The following POLK variants were observed in gnomAD, a reference collection of about 807,000 sequenced individuals.
The protein encoded by POLK is polymerase (DNA directed) kappa.
A neutral mutation model predicts 94.0 loss-of-function variants in POLK; 76 were observed. The ratio of observed to expected loss-of-function variants is 0.81; its 90% confidence interval spans 0.67 to 0.98. The LOEUF (loss-of-function observed/expected upper bound fraction) is 0.98. POLK is among the 50% of genes least tolerant of loss of function. The pLI, the probability that POLK is intolerant of heterozygous loss-of-function variation, is 0.00. For synonymous variants in POLK, 349 were observed against 325.4 expected (o/e 1.07, Z -0.78); for missense variants, 954 against 1,010.1 (o/e 0.94, Z 0.75).
chr5:75,519,734 T>C (rs1288462415), intron 1 of POLK, among the ~76,000 whole-genome samples: 1 of 152,234 alleles, frequency 6.6e-6, no homozygotes, highest in Non-Finnish European at 1.5e-5. Context: ...GAATACCTTT[T>C]TCCAGCCCTT....
chr5:75,512,418 A>G (rs1034693526), intron 1 of POLK: 12 of 152,234 alleles, frequency 7.9e-5, no homozygotes, highest in African/African-American at 2.2e-4. Flanking sequence ...ATGTGAGATG[A>G]TAGCCTGGGA....
At chr5:75,548,715 A>G (rs1160500643) in intron 2 of POLK, among the ~76,000 whole-genome samples, 1 of 151,218 alleles carries the variant, frequency 6.6e-6, no homozygotes, top group Non-Finnish European at 1.5e-5. Flanking sequence ...AGGAGGGGAA[A>G]GTGTGTGTGT....
intron 1 of POLK, among the ~76,000 whole-genome samples, chr5:75,521,992 C>T (rs1197363963): frequency 1.3e-5 from 2 of 152,228 alleles, no homozygotes; most frequent in East Asian, 1.9e-4. Context: ...AACAAGTACT[C>T]TGATTTGGTG....
At chr5:75,596,819 A>G (rs1773113562) in exon 13 of POLK, 1 of 1,610,880 alleles carries the variant, frequency 6.2e-7, no homozygotes, top group Non-Finnish European at 8.5e-7. Flanking sequence ...ACTATAGATA[A>G]CTCATCTAAA....
intron 1 of POLK, among the ~76,000 whole-genome samples, chr5:75,532,651 A>G (rs1769240729): frequency 6.6e-6 from 1 of 152,236 alleles, no homozygotes; most frequent in Non-Finnish European, 1.5e-5. Context: ...AAGTTCTTTG[A>G]GAAATTGCCA....
chr5:75,511,993 G>T (rs1768048218), intron 1 of POLK, 79 bp downstream of exon 1: 3 of 589,620 alleles, frequency 5.1e-6, no homozygotes. Flanking sequence ...ACAGTTGCGT[G>T]ACCAGCCCCT....
At chr5:75,527,278 G>A (rs1768905899) in intron 1 of POLK, among the ~76,000 whole-genome samples, 1 of 151,852 alleles carries the variant, frequency 6.6e-6, no homozygotes, top group African/African-American at 2.4e-5. Flanking sequence ...ACTGTGGGAG[G>A]CCAAGGCAGG....
chr5:75,606,042 G>A (rs1243185711), downstream of POLK, among the ~76,000 whole-genome samples: 1 of 122,278 alleles, frequency 8.2e-6, no homozygotes, highest in Admixed American at 8.8e-5. Context: ...AGAGGGGGAT[G>A]TGTCAGGGTC....
chr5:75,595,337 TG>T (rs1773021795), intron 12 of POLK, among the ~76,000 whole-genome samples: 1 of 149,216 alleles, frequency 6.7e-6, no homozygotes, highest in Non-Finnish European at 1.5e-5. Flanking sequence ...GCAAGCACGA[TG>T]TCCTTCGGTA....
At chr5:75,569,817 C>G (rs1321662611) in intron 4 of POLK, among the ~76,000 whole-genome samples, 2 of 152,136 alleles carry the variant, frequency 1.3e-5, no homozygotes, top group Non-Finnish European at 2.9e-5. Context: ...TCTGTCAGAT[C>G]AGTTGTGGCA....
Position 75,545,036 on chromosome 5 carries a change from C to T in POLK, c.-13-1974C>T, listed in dbSNP as rs1769939055. Among the ~76,000 whole-genome samples the T allele has an allele frequency of 2.6e-5, 4 of 152,304 alleles. No homozygotes were observed. In the South Asian group the frequency reaches 6.2e-4, roughly 24 times the overall value. On this transcript the variant is annotated intron_variant, in intron 1 of 14. Transcript: ENST00000241436. ...CTCCTATCTGGCTTCTACTCCCAGA[C>T]CTTCTGATTTATTTGGTATGGGAGG...
intron 7 of POLK, chr5:75,582,482 A>G (rs759466062): frequency 6.6e-6 from 1 of 152,242 alleles, no homozygotes; most frequent in Non-Finnish European, 1.5e-5. Context: ...TTTTGTGAAT[A>G]ACATAAAAAG....
chr5:75,514,967 A>G (rs775531254), intron 1 of POLK, among the ~76,000 whole-genome samples: 3 of 152,236 alleles, frequency 2.0e-5, no homozygotes, highest in Non-Finnish European at 4.4e-5. Context: ...GGTGTGTTAC[A>G]TAGTTTTTCT....
intron 1 of POLK, among the ~76,000 whole-genome samples, chr5:75,546,440 G>C (rs1470158529): frequency 6.6e-6 from 1 of 152,100 alleles, no homozygotes; most frequent in Admixed American, 6.5e-5. Flanking sequence ...GATCCTCTCA[G>C]TTCAAACCCG....
chr5:75,600,305 A>G (rs1773269331), exon 15 of POLK: 1 of 152,230 alleles, frequency 6.6e-6, no homozygotes, highest in African/African-American at 2.4e-5. Context: ...CTTATTTGCA[A>G]AAATGAAATG....
At chr5:75,568,760 C>T (rs2112755887) in intron 3 of POLK, 1 of 362,204 alleles carries the variant, frequency 2.8e-6, no homozygotes. Context: ...TTGTACCTTC[C>T]TGTTCAGCAT....
chr5:75,516,449 A>C (rs1036950397), intron 1 of POLK, among the ~76,000 whole-genome samples: 1 of 152,204 alleles, frequency 6.6e-6, no homozygotes, highest in African/African-American at 2.4e-5. Context: ...TAAAAATTAA[A>C]ATAAAATTAA....
chr5:75,595,589 G>T (rs1479270320), intron 12 of POLK, among the ~76,000 whole-genome samples: 1 of 152,164 alleles, frequency 6.6e-6, no homozygotes, highest in Non-Finnish European at 1.5e-5. Context: ...GGGGCAGGAG[G>T]TATAAATAGG....
At chr5:75,598,239 A>C (rs1471001914) in exon 15 of POLK, 1 of 266,834 alleles carries the variant, frequency 3.7e-6, no homozygotes, top group Non-Finnish European at 7.1e-6. Flanking sequence ...TTGGAAATCA[A>C]TCCTGTTAAG....
Sources: allele counts gnomAD v4.1 joint callset (sites outside exome capture counted in the v4.1 genomes callset), GRCh38; gene constraint gnomAD v4.1.1; transcripts MANE v1.5; gene names NCBI Gene and HGNC (gene_info 2026-07-23, HGNC 2026-07-21).